DSCAM: variants seen among roughly 807,000 people sequenced by gnomAD.
DSCAM encodes the protein DS cell adhesion molecule.
Under a neutral mutation model 217.7 loss-of-function variants are expected in DSCAM, and 47 were observed. That is an observed-to-expected ratio of 0.22 (90% CI 0.17 to 0.28). DSCAM has a LOEUF of 0.28. Ranked by LOEUF, DSCAM falls within the 10% of genes least tolerant of loss-of-function variation. The pLI, the probability that DSCAM is intolerant of heterozygous loss-of-function variation, is 1.00. For missense variants in DSCAM, 2,080 were observed against 2,618.3 expected, an observed-to-expected ratio of 0.79 and a Z score of 4.49; for synonymous variants, 1,056 against 1,015.3, an observed-to-expected ratio of 1.04 and a Z score of -0.76.
At chr21:40,838,954 T>C (rs1051728792) in intron 1 of DSCAM, among the ~76,000 whole-genome samples, 6 of 152,178 alleles carry the variant, frequency 3.9e-5, no homozygotes, top group African/African-American at 7.2e-5. Context: ...AAAACCAGAA[T>C]GCTATAAGTA....
At chr21:40,046,986 G>A (rs1287091588) in intron 30 of DSCAM, among the ~76,000 whole-genome samples, 1 of 151,842 alleles carries the variant, frequency 6.6e-6, no homozygotes, top group African/African-American at 2.4e-5. Context: ...TTCAAAGCCT[G>A]GTCTCTTTTC....
chr21:40,368,864 G>A (rs2074862545), intron 4 of DSCAM, among the ~76,000 whole-genome samples: 1 of 152,210 alleles, frequency 6.6e-6, no homozygotes, highest in Non-Finnish European at 1.5e-5. Flanking sequence ...TCCCTGAAAT[G>A]CTAACGCATC....
At chr21:40,318,713 A>G (rs1264845649) in intron 8 of DSCAM, among the ~76,000 whole-genome samples, 1 of 152,180 alleles carries the variant, frequency 6.6e-6, no homozygotes, top group Non-Finnish European at 1.5e-5. Context: ...CAAGATGCAG[A>G]GACATATGAT....
intron 27 of DSCAM, among the ~76,000 whole-genome samples, chr21:40,064,172 TAC>T (rs55895434): frequency 0.31 from 46,302 of 150,894 alleles, 7,591 homozygotes; most frequent in East Asian, 0.53. Flanking sequence ...TATATATACA[TAC>T]ACACACACAC....
chr21:40,019,833 TTA>T (rs1720287535), intron 32 of DSCAM, among the ~76,000 whole-genome samples: 1 of 152,340 alleles, frequency 6.6e-6, no homozygotes, highest in African/African-American at 2.4e-5. Context: ...CAAAATTCAC[TTA>T]TATTTTTGGC....
intron 10 of DSCAM, among the ~76,000 whole-genome samples, chr21:40,284,676 C>G (rs950584466): frequency 6.6e-6 from 1 of 152,138 alleles, no homozygotes; most frequent in Non-Finnish European, 1.5e-5. Flanking sequence ...TTAGCAGTGA[C>G]GGGAGAAGCA....
At chr21:40,126,254 G>A (rs137957644) in intron 19 of DSCAM, among the ~76,000 whole-genome samples, 81 of 150,986 alleles carry the variant, frequency 5.4e-4, no homozygotes, top group African/African-American at 1.9e-3. Flanking sequence ...AGGAAGAAAG[G>A]AAAGAGGGAA....
rs1157668991 is a variant in DSCAM, at chr21:40,780,443, A to ATATATATATC, written c.43+66175_43+66176insGATATATATA. ...TGTGTGTATATATATATATATATATATATATCTCCTGTTATCCTATTTATG... is the reference window on the plus strand; with the variant it reads ...TGTGTGTATATATATATATATATATATATATATATCTATATCTCCTGTTATCCTATTTATG... On this transcript the variant is annotated intron_variant, in intron 1 of 32. Transcript: ENST00000400454. Among the ~76,000 whole-genome samples the ATATATATATC allele has an allele frequency of 4.2e-5, 6 of 143,538 alleles. No individual in the cohort carries two copies. In the South Asian group the frequency reaches 1.1e-3, roughly 27 times the overall value. The allele number at this position is 143,538 out of a possible 152,430, so 94.2% of individuals were successfully genotyped here. A position where few individuals can be genotyped will look rare whatever the true frequency, so the allele number is the denominator to read the frequency against.
chr21:40,037,069 G>C (rs2088639856), intron 32 of DSCAM, among the ~76,000 whole-genome samples: 1 of 150,152 alleles, frequency 6.7e-6, no homozygotes, highest in South Asian at 2.1e-4. Flanking sequence ...CATACTGAAT[G>C]GGCAAAAACT....
intron 3 of DSCAM, among the ~76,000 whole-genome samples, chr21:40,657,302 C>T (rs1313762712): frequency 1.3e-5 from 2 of 152,164 alleles, no homozygotes; most frequent in African/African-American, 2.4e-5. Context: ...CCAGAGGTTA[C>T]TTTTGAGCTG....
chr21:40,782,110 G>T (rs1390830895), intron 1 of DSCAM, among the ~76,000 whole-genome samples: 2 of 151,478 alleles, frequency 1.3e-5, no homozygotes, highest in Non-Finnish European at 2.9e-5. Flanking sequence ...GGCGGAGCTT[G>T]CAGTGAGCCG....
chr21:40,823,867 G>A (rs1279531851), intron 1 of DSCAM, among the ~76,000 whole-genome samples: 2 of 151,680 alleles, frequency 1.3e-5, no homozygotes, highest in Non-Finnish European at 2.9e-5. Flanking sequence ...TAAAATTATA[G>A]AATAATTCTC....
chr21:40,019,010 A>G (rs534575997), intron 32 of DSCAM, among the ~76,000 whole-genome samples: 117 of 152,352 alleles, frequency 7.7e-4, no homozygotes, highest in African/African-American at 2.7e-3. Flanking sequence ...GCTGCAAATG[A>G]GTTCTCTCAA....
rs35767786 is a variant in DSCAM, at chr21:40,684,062, T to TA, written c.508+8747dup. 2.1e-4 allele frequency among the ~76,000 whole-genome samples: 31 copies of TA among 144,312 alleles called. 1 individual carries two copies. Among genetic ancestry groups the TA allele is most frequent in the African/African-American group, 5.4e-4 (21 of 39,028 alleles). The allele number at this position is 144,312 out of a possible 152,430, so 94.7% of individuals were successfully genotyped here. On this transcript the variant is annotated intron_variant, in intron 3 of 32. Coordinates refer to ENST00000400454, the MANE Select transcript of DSCAM (RefSeq NM_001389.5). ...TAACATGGTGTAACCCTGTCTCTAC[T>TA]AAAAAAAAAAAAATAGCCAGGTGTG...
chr21:40,305,773 A>C (rs1290475115), intron 9 of DSCAM, among the ~76,000 whole-genome samples: 1 of 152,102 alleles, frequency 6.6e-6, no homozygotes, highest in Middle Eastern at 3.2e-3. Flanking sequence ...GTTATTTCTG[A>C]GGGCTCTGTT....
At chr21:40,671,972 G>A (rs552180927) in intron 3 of DSCAM, among the ~76,000 whole-genome samples, 15 of 152,160 alleles carry the variant, frequency 9.9e-5, no homozygotes, top group South Asian at 2.1e-4. Context: ...GCCAGAGTCC[G>A]AAATCAAGTT....
At chr21:40,347,165 G>GT (rs2074567081) in intron 6 of DSCAM, among the ~76,000 whole-genome samples, 1 of 151,996 alleles carries the variant, frequency 6.6e-6, no homozygotes, top group South Asian at 2.1e-4. Flanking sequence ...AGGTGTGGTG[G>GT]TGCATGCCTG....
chr21:40,473,809 G>A (rs994629517), intron 3 of DSCAM, among the ~76,000 whole-genome samples: 8 of 152,120 alleles, frequency 5.3e-5, no homozygotes, highest in African/African-American at 1.4e-4. Context: ...AGACACACAC[G>A]GAGGACAACC....
chr21:40,184,979 A>G (rs1172812803), intron 14 of DSCAM, among the ~76,000 whole-genome samples: 1 of 152,144 alleles, frequency 6.6e-6, no homozygotes, highest in Admixed American at 6.5e-5. Flanking sequence ...TTCCCTTCTT[A>G]GAGTTCACCA....
Sources: gnomAD v4.1 joint callset for allele counts (sites outside exome capture counted in the v4.1 genomes callset) on GRCh38, gnomAD v4.1.1 for gene constraint, MANE v1.5 for transcripts, NCBI Gene and HGNC (gene_info 2026-07-23, HGNC 2026-07-21) for gene names.